NCDN: variants seen among roughly 807,000 people sequenced by gnomAD.
The protein encoded by NCDN is neurochondrin.
A neutral mutation model predicts 60.7 loss-of-function variants in NCDN; 9 were observed. The ratio of observed to expected loss-of-function variants is 0.15; its 90% CI spans 0.09 to 0.26. The LOEUF (loss-of-function observed/expected upper bound fraction) is 0.26. Among genes scored for constraint, NCDN ranks in the 10% least tolerant of loss-of-function variants. The pLI, the probability that NCDN is intolerant of heterozygous loss-of-function variation, is 1.00. For missense variants in NCDN, 578 were observed against 975.2 expected (o/e 0.59, Z 5.42); for synonymous variants, 409 against 442.5 (o/e 0.92, Z 0.95).
Position 35,562,437 on chromosome 1 carries a change from C to A in NCDN, c.1189C>A (p.Arg397=). The change falls in exon 4 of 7, where the codon CGG becomes AGG. Residue 397 remains arginine (R), a synonymous_variant. Transcript: ENST00000373243. This position sits in a 1 kb window ranked among gnomAD's most constrained non-coding sequence, Gnocchi z 6.8. ...GGAGCCCTTTGTGTTTGCCTCGGTG[C>A]GGATCCTGGGTGCCTGGCTGGCCGA... ...QKEPFVFASV[R]ILGAWLAEET... is the part of the protein sequence containing the mutation. 6.2e-7 allele frequency: 1 copy of A among 1,614,146 alleles called. No individual in the cohort carries two copies. Among genetic ancestry groups the A allele is most frequent in the Non-Finnish European group, 8.5e-7 (1 of 1,180,026 alleles).
Position 35,563,564 on chromosome 1 carries a change from C to A in NCDN, c.1610+138C>A. 1 of 1,079,202 alleles carries A rather than the reference C, an allele frequency of 9.3e-7. No homozygotes were observed. Among genetic ancestry groups the A allele is most frequent in the Non-Finnish European group, 1.3e-6 (1 of 746,142 alleles). The allele number at this position is 1,079,202 out of a possible 1,614,324, so 66.9% of individuals were successfully genotyped here. A position where few individuals can be genotyped will look rare whatever the true frequency, so the allele number is the denominator to read the frequency against. ...GGTAGCATGGGGGTCTCAGAGTAGA[C>A]ATAGCCAGCCCCGCACAAGGATTCG... On this transcript the variant is annotated intron_variant, in intron 5 of 6. Transcript: ENST00000373243. The surrounding 1 kb of genome is among the most constrained non-coding windows in gnomAD (Gnocchi z 6.6).
chr1:35,566,655 A>ACACAC lies in NCDN; in HGVS notation c.*993_*997dup, dbSNP rs1197973885. On this transcript the variant is annotated 3_prime_UTR_variant, in exon 7 of 7. Coordinates refer to ENST00000373243, the MANE Select transcript of NCDN (RefSeq NM_014284.3). The surrounding 1 kb of genome is among the most constrained non-coding windows in gnomAD (Gnocchi z 5.3). ...CACACACACACACACACACACACACACACACACACACACACACACACACAC... is the reference window on the plus strand; with the variant it reads ...CACACACACACACACACACACACACACACACCACACACACACACACACACACACAC... 2.5e-6 allele frequency: 1 copy of ACACAC among 405,096 alleles called. No individual in the cohort carries two copies. The highest frequency in any genetic ancestry group is 5.0e-6 in the Non-Finnish European group (1 of 201,126). The allele number at this position is 405,096 out of a possible 1,614,324, so 25.1% of individuals were successfully genotyped here. A position where few individuals can be genotyped will look rare whatever the true frequency, so the allele number is the denominator to read the frequency against.
At position 35,559,139 on chromosome 1, in the gene NCDN, C is replaced by T. The variant is rs746187544; in HGVS notation, c.66C>T (p.Cys22=). The change falls in exon 2 of 7, where the codon TGC becomes TGT. Residue 22 remains cysteine (C), a synonymous_variant. Transcript: ENST00000373243. The stretch of plus-strand genomic sequence containing the variant: ...AGGCGAGCATCATGGCCTCGGATTG[C>T]GAGCCAGCTCTGAACCAGGCAGAGG... The part of the protein sequence containing the change: ...LGKASIMASD[C]EPALNQAEGR... 8.1e-6 allele frequency: 13 copies of T among 1,613,158 alleles called. No homozygotes were observed. The highest frequency in any genetic ancestry group is 5.5e-5 in the South Asian group (5 of 91,062).
Position 35,558,557 on chromosome 1 carries a change from C to T in NCDN, c.33+334C>T. ...GTCCCCAAAGGGGCCTCCAAGCCTT[C>T]CCTGTTGAGCGTCTTGTATTCTCAC... On this transcript the variant is annotated intron_variant, in intron 1 of 6. Transcript: ENST00000373243. This position sits in a 1 kb window ranked among gnomAD's most constrained non-coding sequence, Gnocchi z 6.3. 7.7e-7 allele frequency: 1 copy of T among 1,299,446 alleles called. No individual in the cohort carries two copies. Among genetic ancestry groups the T allele is most frequent in the East Asian group, 3.3e-5 (1 of 30,604 alleles). The allele number at this position is 1,299,446 out of a possible 1,614,324, so 80.5% of individuals were successfully genotyped here.
Position 35,558,512 on chromosome 1 carries a change from G to A in NCDN, c.33+289G>A. ...AAGGAGCCTGCGGGGGCGACTGAGA[G>A]CCCTGGCTGGAGGGGTGGGGTCCCC... On this transcript the variant is annotated intron_variant, in intron 1 of 6. Transcript: ENST00000373243. The surrounding 1 kb of genome is among the most constrained non-coding windows in gnomAD (Gnocchi z 6.3). 1.6e-5 allele frequency: 22 copies of A among 1,368,504 alleles called. No individual in the cohort carries two copies. Among genetic ancestry groups the A allele is most frequent in the Non-Finnish European group, 2.1e-5 (22 of 1,061,356 alleles). 84.8% of individuals were successfully genotyped at this position (1,368,504 alleles called of 1,614,324 possible).
Position 35,565,402 on chromosome 1 carries a change from C to T in NCDN, c.1929C>T (p.Ala643=). 6.2e-7 allele frequency: 1 copy of T among 1,612,956 alleles called. No homozygotes were observed. Among genetic ancestry groups the T allele is most frequent in the Non-Finnish European group, 8.5e-7 (1 of 1,179,380 alleles). ...AGCTCTGGTTCCTGGGCATGCAGGC[C>T]TTCACCGGCTGTGTGCCTCTGCTGC... is the stretch of plus-strand genomic sequence containing the variant. ...LQELWFLGMQ[A]FTGCVPLLPW... is the part of the protein sequence containing the mutation. Residue 643 remains alanine (A), a synonymous_variant, in exon 7 of 7, where the codon GCC becomes GCT. Coordinates refer to ENST00000373243, the MANE Select transcript of NCDN (RefSeq NM_014284.3). This position sits in a 1 kb window ranked among gnomAD's most constrained non-coding sequence, Gnocchi z 8.9.
Position 35,561,370 on chromosome 1 carries a change from A to G in NCDN, c.1143+76A>G. 6.7e-7 allele frequency: 1 copy of G among 1,499,044 alleles called. No homozygotes were observed. The highest frequency in any genetic ancestry group is 1.3e-5 in the South Asian group (1 of 76,174). 92.9% of individuals were successfully genotyped at this position (1,499,044 alleles called of 1,614,324 possible). ...CTGGAGCTGGGAGGCAAGGGGGAGG[A>G]GAATAATGGGGAGACAGCGAAGCTG... is the stretch of plus-strand genomic sequence containing the variant. On this transcript the variant is annotated intron_variant, in intron 3 of 6. Transcript: ENST00000373243. This position sits in a 1 kb window ranked among gnomAD's most constrained non-coding sequence, Gnocchi z 4.9.
In NCDN at chr1:35,557,925, G is replaced by A; in HGVS notation, c.-266G>A. 1.6e-6 allele frequency: 1 copy of A among 624,248 alleles called. No homozygotes were observed. Among genetic ancestry groups the A allele is most frequent in the Non-Finnish European group, 2.9e-6 (1 of 350,180 alleles). The allele number at this position is 624,248 out of a possible 1,614,324, so 38.7% of individuals were successfully genotyped here. A position where few individuals can be genotyped will look rare whatever the true frequency, so the allele number is the denominator to read the frequency against. On this transcript the variant is annotated 5_prime_UTR_variant, in exon 1 of 7. Transcript: ENST00000373243. ...TCGGGCCCTCCCCTGCATCCCAGCC[G>A]GGGCCTCTCCGAGCCGGCGCTGATC...
In NCDN at chr1:35,558,025, C is replaced by T. The variant is rs1648418377; in HGVS notation, c.-166C>T. Reference sequence around the variant, plus strand: ...GCGACACCATCGTGCCCTGTCGAGACTCCATTTTGTCACAGCCCTTTTCAA... The same window carrying T: ...GCGACACCATCGTGCCCTGTCGAGATTCCATTTTGTCACAGCCCTTTTCAA... On this transcript the variant is annotated 5_prime_UTR_variant, in exon 1 of 7. Coordinates refer to ENST00000373243, the MANE Select transcript of NCDN (RefSeq NM_014284.3). The surrounding 1 kb of genome is among the most constrained non-coding windows in gnomAD (Gnocchi z 6.3). 3.8e-6 allele frequency: 4 copies of T among 1,046,870 alleles called. No individual in the cohort carries two copies. The highest frequency in any genetic ancestry group is 4.1e-6 in the Non-Finnish European group (3 of 724,994). The allele number at this position is 1,046,870 out of a possible 1,614,324, so 64.8% of individuals were successfully genotyped here. A position where few individuals can be genotyped will look rare whatever the true frequency, so the allele number is the denominator to read the frequency against.
Position 35,562,364 on chromosome 1 carries a change from C to G in NCDN, c.1144-28C>G, listed in dbSNP as rs1648732504. On this transcript the variant is annotated intron_variant, in intron 3 of 6. Transcript: ENST00000373243. This position sits in a 1 kb window ranked among gnomAD's most constrained non-coding sequence, Gnocchi z 6.8. ...GGCAGGGAGGGTCCCTGGTCCTGCTCCATCTCAAGGGGGTCCTGTGGCAAC... is the reference window on the plus strand; with the variant it reads ...GGCAGGGAGGGTCCCTGGTCCTGCTGCATCTCAAGGGGGTCCTGTGGCAAC... The G allele has an allele frequency of 6.2e-7, 1 of 1,609,462 alleles. No individual in the cohort carries two copies. The highest frequency in any genetic ancestry group is 1.3e-5 in the African/African-American group (1 of 74,852).
chr1:35,564,640 ACT>A (rs1453143717), intron 6 of NCDN, among the ~76,000 whole-genome samples: 1 of 152,002 alleles, frequency 6.6e-6, no homozygotes, highest in Non-Finnish European at 1.5e-5. Flanking sequence ...CCCACTCTGC[ACT>A]CTCAGTCCCA....
In NCDN at chr1:35,558,369, G is replaced by A; in HGVS notation, c.33+146G>A. 9.2e-6 allele frequency: 14 copies of A among 1,522,150 alleles called. No homozygotes were observed. Among genetic ancestry groups the A allele is most frequent in the Non-Finnish European group, 1.2e-5 (14 of 1,137,666 alleles). The allele number at this position is 1,522,150 out of a possible 1,614,324, so 94.3% of individuals were successfully genotyped here. On this transcript the variant is annotated intron_variant, in intron 1 of 6. Transcript: ENST00000373243. This position sits in a 1 kb window ranked among gnomAD's most constrained non-coding sequence, Gnocchi z 6.3. Reference sequence around the variant, plus strand: ...CTCCAGCCCCTGCCGGCATCCACAGGCTGGTAGCGGGACGGGGAGGGCGAG... The same window carrying A: ...CTCCAGCCCCTGCCGGCATCCACAGACTGGTAGCGGGACGGGGAGGGCGAG...
Position 35,562,243 on chromosome 1 carries a change from A to G in NCDN, c.1144-149A>G, listed in dbSNP as rs951622078. ...CTACCACATGCTAGGTGCTGGGTTC[A>G]TGGGACAGAATAAAGGTTGGGGCCT... On this transcript the variant is annotated intron_variant, in intron 3 of 6. Coordinates refer to ENST00000373243, the MANE Select transcript of NCDN (RefSeq NM_014284.3). The surrounding 1 kb of genome is among the most constrained non-coding windows in gnomAD (Gnocchi z 6.8). The G allele has an allele frequency of 4.3e-6, 5 of 1,172,164 alleles. No homozygotes were observed. The African/African-American group carries it at 4.6e-5, about 11-fold the overall frequency. 72.6% of individuals were successfully genotyped at this position (1,172,164 alleles called of 1,614,324 possible).
chr1:35,562,334 G>A lies in NCDN; in HGVS notation c.1144-58G>A, dbSNP rs1181111838. On this transcript the variant is annotated intron_variant, in intron 3 of 6. Coordinates refer to ENST00000373243, the MANE Select transcript of NCDN (RefSeq NM_014284.3). The surrounding 1 kb of genome is among the most constrained non-coding windows in gnomAD (Gnocchi z 6.8). ...TATTATTTCTAGCTGGCTGGCCTCT[G>A]GCAAGGCAGGGAGGGTCCCTGGTCC... is the stretch of plus-strand genomic sequence containing the variant. The A allele has an allele frequency of 1.9e-6, 3 of 1,581,528 alleles. No homozygotes were observed. In the African/African-American group the frequency reaches 4.1e-5, roughly 21 times the overall value.
In NCDN at chr1:35,561,763, T is replaced by C. The variant is rs1422449294; in HGVS notation, c.1143+469T>C. ...AGAGGTCTGGCTAGATCAATTCGCC[T>C]GCCTCCCCTACATCCCCTCCTGCCT... On this transcript the variant is annotated intron_variant, in intron 3 of 6. Coordinates refer to ENST00000373243, the MANE Select transcript of NCDN (RefSeq NM_014284.3). This position sits in a 1 kb window ranked among gnomAD's most constrained non-coding sequence, Gnocchi z 4.9. 6.6e-6 allele frequency among the ~76,000 whole-genome samples: 1 copy of C among 152,120 alleles called. No individual in the cohort carries two copies. Among genetic ancestry groups the C allele is most frequent in the Non-Finnish European group, 1.5e-5 (1 of 68,016 alleles).
At position 35,561,901 on chromosome 1, in the gene NCDN, G is replaced by A. The variant is rs533324540; in HGVS notation, c.1144-491G>A. On this transcript the variant is annotated intron_variant, in intron 3 of 6. Coordinates refer to ENST00000373243, the MANE Select transcript of NCDN (RefSeq NM_014284.3). The surrounding 1 kb of genome is among the most constrained non-coding windows in gnomAD (Gnocchi z 4.9). ...ACCAGCCATATATTCCATGCACCAC[G>A]CTAAGCTCATGTCTTTTTTCTGACT... 1.4e-4 allele frequency among the ~76,000 whole-genome samples: 22 copies of A among 152,148 alleles called. No homozygotes were observed. Among genetic ancestry groups the A allele is most frequent in the Non-Finnish European group, 2.5e-4 (17 of 68,010 alleles).
rs1648550699 is a variant in NCDN, at chr1:35,558,912, T to G, written c.34-195T>G. Among the ~76,000 whole-genome samples the G allele has an allele frequency of 6.6e-6, 1 of 151,996 alleles. No individual in the cohort carries two copies. The highest frequency in any genetic ancestry group is 1.5e-5 in the Non-Finnish European group (1 of 67,986). On this transcript the variant is annotated intron_variant, in intron 1 of 6. Coordinates refer to ENST00000373243, the MANE Select transcript of NCDN (RefSeq NM_014284.3). This position sits in a 1 kb window ranked among gnomAD's most constrained non-coding sequence, Gnocchi z 6.3. The stretch of plus-strand genomic sequence containing the variant: ...ACCTTGGACCAGGGTCCCTTCTTTA[T>G]CCCTAAGGATTTGCAGATCCAGCCC...
intron 6 of NCDN, among the ~76,000 whole-genome samples, chr1:35,564,931 C>T (rs1260231099): frequency 6.6e-6 from 1 of 152,174 alleles, no homozygotes; most frequent in Admixed American, 6.5e-5. Flanking sequence ...TCACCCCCAC[C>T]TCCAGTGCCG....
At chr1:35,559,395 C>CT in intron 2 of NCDN, 148 bp downstream of exon 2, 1 of 1,017,660 alleles carries the variant, frequency 9.8e-7, no homozygotes, top group Non-Finnish European at 1.4e-6. Flanking sequence ...CCTTTGTGCT[C>CT]TTTTTTGCTC....
Sources: allele counts gnomAD v4.1 joint callset (sites outside exome capture counted in the v4.1 genomes callset), GRCh38; gene constraint gnomAD v4.1.1; non-coding constraint Gnocchi (gnomAD v3.1); transcripts MANE v1.5; gene names NCBI Gene and HGNC (gene_info 2026-07-23, HGNC 2026-07-21).